PALM2AKAP2: variants seen among roughly 807,000 people sequenced by gnomAD.
PALM2AKAP2 encodes the protein PALM2 and AKAP2 fusion, also known as PALM2-AKAP2 fusion protein.
In PALM2AKAP2, 37 loss-of-function variants were observed where a neutral mutation model predicts 71.5. That is an observed-to-expected ratio of 0.52 (90% CI 0.40 to 0.68). The LOEUF (loss-of-function observed/expected upper bound fraction) is 0.68, where lower values mean the gene tolerates loss of function less well. PALM2AKAP2 is among the 30% of genes least tolerant of loss of function. PALM2AKAP2 has a pLI of 0.00. For synonymous variants in PALM2AKAP2, 468 were observed against 478.8 expected, an observed-to-expected ratio of 0.98 and a Z score of 0.29; for missense variants, 1,224 against 1,191.8, an observed-to-expected ratio of 1.03 and a Z score of -0.40.
chr9:110,045,526 T>C (rs1369991029), upstream of PALM2AKAP2, among the ~76,000 whole-genome samples: 2 of 152,076 alleles, frequency 1.3e-5, no homozygotes, highest in Admixed American at 1.3e-4. Context: ...GCCCCACACA[T>C]TCTGATTCAA....
chr9:109,805,669 A>C (rs539474378), intron 1 of PALM2AKAP2, among the ~76,000 whole-genome samples: 2 of 152,242 alleles, frequency 1.3e-5, no homozygotes, highest in African/African-American at 4.8e-5. Flanking sequence ...TAACTACTTC[A>C]TGGGATGGTG....
rs1835394615 is a variant in PALM2AKAP2, at chr9:110,117,785, C to T, written c.157-18342C>T. ...CTCTTCAAGGTCCCATCTCTCAACACTGTTGTATTTGGGATTAAGTTTCCA... is the reference window on the plus strand; with the variant it reads ...CTCTTCAAGGTCCCATCTCTCAACATTGTTGTATTTGGGATTAAGTTTCCA... On this transcript the variant is annotated intron_variant, in intron 1 of 3. Transcript: ENST00000374525. 1.3e-5 allele frequency among the ~76,000 whole-genome samples: 2 copies of T among 152,018 alleles called. 1 individual carries two copies. The highest frequency in any genetic ancestry group is 4.1e-4 in the South Asian group (2 of 4,822).
intron 3 of PALM2AKAP2, among the ~76,000 whole-genome samples, chr9:109,894,662 T>C (rs1830158884): frequency 6.6e-6 from 1 of 152,218 alleles, no homozygotes; most frequent in Non-Finnish European, 1.5e-5. Flanking sequence ...GGCTGAGTGC[T>C]AGTATTGGTC....
chr9:109,693,722 G>A (rs948123156), intron 1 of PALM2AKAP2, among the ~76,000 whole-genome samples: 1 of 151,840 alleles, frequency 6.6e-6, no homozygotes, highest in Non-Finnish European at 1.5e-5. Flanking sequence ...TTAGAAATAT[G>A]TTGTTTAATT....
chr9:109,646,717 T>A (rs939841911), intron 1 of PALM2AKAP2, among the ~76,000 whole-genome samples: 6 of 152,228 alleles, frequency 3.9e-5, no homozygotes, highest in Non-Finnish European at 8.8e-5. Flanking sequence ...CTGTGATAGG[T>A]ACTTGCGATA....
intron 1 of PALM2AKAP2, among the ~76,000 whole-genome samples, chr9:110,132,168 C>T (rs998014809): frequency 6.6e-6 from 1 of 151,954 alleles, no homozygotes; most frequent in Non-Finnish European, 1.5e-5. Flanking sequence ...TCTCCTGCCT[C>T]GGCCTCTCAA....
chr9:110,050,371 T>A (rs1588078140), intron 1 of PALM2AKAP2, among the ~76,000 whole-genome samples: 1 of 152,328 alleles, frequency 6.6e-6, no homozygotes, highest in Middle Eastern at 3.4e-3. Flanking sequence ...AGCATCACAC[T>A]TTTCTTTCTG....
At chr9:109,787,825 C>T (rs559755100) in intron 1 of PALM2AKAP2, among the ~76,000 whole-genome samples, 3 of 152,202 alleles carry the variant, frequency 2.0e-5, no homozygotes, top group South Asian at 2.1e-4. Context: ...ATCAAGAGGC[C>T]GACATTTTGT....
intron 7 of PALM2AKAP2, among the ~76,000 whole-genome samples, chr9:110,032,341 T>A (rs1833293968): frequency 6.6e-6 from 1 of 152,028 alleles, no homozygotes; most frequent in Non-Finnish European, 1.5e-5. Context: ...GGAGGATTGC[T>A]TGAACTCAGG....
chr9:110,055,960 G>A (rs1038571737), intron 1 of PALM2AKAP2, among the ~76,000 whole-genome samples: 2 of 152,186 alleles, frequency 1.3e-5, no homozygotes, highest in African/African-American at 2.4e-5. Flanking sequence ...TTTCCAGGGC[G>A]TTTGTGGGAA....
At chr9:109,749,926 G>A (rs1828859961) in intron 1 of PALM2AKAP2, among the ~76,000 whole-genome samples, 1 of 152,162 alleles carries the variant, frequency 6.6e-6, no homozygotes, top group Non-Finnish European at 1.5e-5. Context: ...TCAATTTCTG[G>A]CTGTCTTTTG....
chr9:109,995,462 T>C (rs780720330), intron 6 of PALM2AKAP2, among the ~76,000 whole-genome samples: 1 of 152,140 alleles, frequency 6.6e-6, no homozygotes, highest in South Asian at 2.1e-4. Flanking sequence ...AAAAAAGACA[T>C]ACCCAAGACT....
chr9:109,672,279 C>T (rs1248802969), intron 1 of PALM2AKAP2, among the ~76,000 whole-genome samples: 2 of 152,074 alleles, frequency 1.3e-5, no homozygotes, highest in East Asian at 3.9e-4. Context: ...TGTGTTCCTT[C>T]AATACCTATT....
intron 1 of PALM2AKAP2, among the ~76,000 whole-genome samples, chr9:109,709,152 G>A (rs1199023716): frequency 6.6e-6 from 1 of 152,208 alleles, no homozygotes; most frequent in Non-Finnish European, 1.5e-5. Flanking sequence ...ATTAGCAGGA[G>A]AGATTGAAGA....
intron 1 of PALM2AKAP2, among the ~76,000 whole-genome samples, chr9:109,671,259 C>G (rs1236138704): frequency 6.6e-6 from 1 of 152,152 alleles, no homozygotes; most frequent in Non-Finnish European, 1.5e-5. Flanking sequence ...TGTCTTTAAT[C>G]CATCTTGAGT....
chr9:109,729,038 G>A (rs1587885322), intron 1 of PALM2AKAP2, among the ~76,000 whole-genome samples: 1 of 152,138 alleles, frequency 6.6e-6, no homozygotes, highest in Admixed American at 6.5e-5. Context: ...GTCTCTGTTG[G>A]CTGCTACGTT....
At chr9:109,819,022 T>C (rs766334536) in intron 1 of PALM2AKAP2, among the ~76,000 whole-genome samples, 1 of 152,206 alleles carries the variant, frequency 6.6e-6, no homozygotes, top group Non-Finnish European at 1.5e-5. Context: ...AAAAAATCCT[T>C]TGCAGAGTCC....
intron 1 of PALM2AKAP2, among the ~76,000 whole-genome samples, chr9:109,799,286 T>C (rs1402652206): frequency 6.6e-6 from 1 of 152,140 alleles, no homozygotes; most frequent in Admixed American, 6.5e-5. Context: ...GACCAGGTGT[T>C]CCAAGTGGGG....
intron 1 of PALM2AKAP2, among the ~76,000 whole-genome samples, chr9:110,076,032 GT>G (rs1217394544): frequency 6.6e-6 from 1 of 151,848 alleles, no homozygotes; most frequent in African/African-American, 2.4e-5. Flanking sequence ...TATAAACTTG[GT>G]TTTTCAAAAT....
Sources: gnomAD v4.1 joint callset for allele counts (sites outside exome capture counted in the v4.1 genomes callset) on GRCh38, gnomAD v4.1.1 for gene constraint, MANE v1.5 for transcripts, NCBI Gene and HGNC (gene_info 2026-07-23, HGNC 2026-07-21) for gene names.